APCDD1: variants seen among roughly 807,000 people sequenced by gnomAD.
APCDD1 encodes protein APCDD1.
A neutral mutation model predicts 38.1 loss-of-function variants in APCDD1; 15 were observed. The observed-to-expected ratio is 0.39, with a 90% CI of 0.26 to 0.61. The LOEUF is 0.61. APCDD1 is among the 20% of genes least tolerant of loss of function. APCDD1 has a pLI of 0.49. For synonymous variants in APCDD1, 261 were observed against 279.7 expected, an observed-to-expected ratio of 0.93 and a Z score of 0.67; for missense variants, 647 against 696.2, an observed-to-expected ratio of 0.93 and a Z score of 0.79.
chr18:10,471,755 A>T lies in APCDD1; in HGVS notation c.468A>T (p.Thr156=). The T allele has an allele frequency of 6.2e-7, 1 of 1,613,634 alleles. No homozygotes were observed. The highest frequency in any genetic ancestry group is 8.5e-7 in the Non-Finnish European group (1 of 1,179,738). ...ACAACGTCCAGGTGATCTGCCACACAGAGGCGGTGGCCGAGAAGCTCGGCC... is the reference window on the plus strand; with the variant it reads ...ACAACGTCCAGGTGATCTGCCACACTGAGGCGGTGGCCGAGAAGCTCGGCC... ...QLHNVQVICH[T]EAVAEKLGQQ... Residue 156 remains threonine, a synonymous_variant, in exon 3 of 5, where the codon ACA becomes ACT. Transcript: ENST00000355285. This position sits in a 1 kb window ranked among gnomAD's most constrained non-coding sequence, Gnocchi z 5.5.
At position 10,487,857 on chromosome 18, in the gene APCDD1, G is replaced by A; in HGVS notation, c.1364G>A (p.Arg455Lys). ...TCCAGCCCAGACAGGCCAGAGAAGAGAGCCACGTCCTACCAGATGCCCTTG... is the reference window on the plus strand; with the variant it reads ...TCCAGCCCAGACAGGCCAGAGAAGAAAGCCACGTCCTACCAGATGCCCTTG... ...DGSSPDRPEK[R>K]ATSYQMPLVQ... The change falls in exon 5 of 5, where the codon AGA becomes AAA. Residue 455 changes from arginine (R) to lysine (K), a missense_variant. By Grantham distance (26) the Arg-to-Lys change is conservative. Transcript: ENST00000355285. The A allele has an allele frequency of 6.2e-7, 1 of 1,613,904 alleles. No individual in the cohort carries two copies. Among genetic ancestry groups the A allele is most frequent in the South Asian group, 1.1e-5 (1 of 91,088 alleles).
At chr18:10,461,614 A>G (rs2030543253) in intron 1 of APCDD1, among the ~76,000 whole-genome samples, 1 of 152,256 alleles carries the variant, frequency 6.6e-6, no homozygotes, top group African/African-American at 2.4e-5. Flanking sequence ...GTGTAATGCA[A>G]ACATTAGTCA....
intron 4 of APCDD1, among the ~76,000 whole-genome samples, chr18:10,487,272 C>T (rs374407479): frequency 5.9e-5 from 9 of 152,302 alleles, no homozygotes; most frequent in South Asian, 2.1e-4. Context: ...AGGAGCACTC[C>T]GAGCTGTAGT....
chr18:10,467,435 A>G lies in APCDD1; in HGVS notation c.59-1034A>G, dbSNP rs1384511142. On this transcript the variant is annotated intron_variant, in intron 1 of 4. Coordinates refer to ENST00000355285, the MANE Select transcript of APCDD1 (RefSeq NM_153000.5). This position sits in a 1 kb window ranked among gnomAD's most constrained non-coding sequence, Gnocchi z 4.8. ...GGGCTAAATACGTAGTAGGTCCGCCATAAATGCCTGTTGATTTGTTAATCA... is the reference window on the plus strand; with the variant it reads ...GGGCTAAATACGTAGTAGGTCCGCCGTAAATGCCTGTTGATTTGTTAATCA... Among the ~76,000 whole-genome samples, 2 of 152,226 alleles carry G rather than the reference A, an allele frequency of 1.3e-5. No individual in the cohort carries two copies. The highest frequency in any genetic ancestry group is 2.9e-5 in the Non-Finnish European group (2 of 68,044).
Position 10,489,253 on chromosome 18 carries a change from C to G in APCDD1, c.*1215C>G, listed in dbSNP as rs2031318900. On this transcript the variant is annotated 3_prime_UTR_variant, in exon 5 of 5. Transcript: ENST00000355285. ...AGAAGGGCGCAGGAGTGCATGTCTGCCCATTCCTTTGGAGTATCGCAGATG... is the reference window on the plus strand; with the variant it reads ...AGAAGGGCGCAGGAGTGCATGTCTGGCCATTCCTTTGGAGTATCGCAGATG... The G allele has an allele frequency of 6.6e-6, 1 of 152,202 alleles. No homozygotes were observed. Among genetic ancestry groups the G allele is most frequent in the South Asian group, 2.1e-4 (1 of 4,826 alleles). The allele number at this position is 152,202 out of a possible 1,614,324, so 9.4% of individuals were successfully genotyped here. A position where few individuals can be genotyped will look rare whatever the true frequency, so the allele number is the denominator to read the frequency against.
At chr18:10,459,490 G>A (rs1057338176) in intron 1 of APCDD1, among the ~76,000 whole-genome samples, 1 of 152,212 alleles carries the variant, frequency 6.6e-6, no homozygotes, top group African/African-American at 2.4e-5. Context: ...TTCAACTAAA[G>A]TCAAGTGGAG....
chr18:10,487,780 G>A lies in APCDD1; in HGVS notation c.1287G>A (p.Gln429=). The A allele has an allele frequency of 1.9e-6, 3 of 1,614,140 alleles. No homozygotes were observed. In the South Asian group the frequency reaches 3.3e-5, roughly 18 times the overall value. ...AGTACGAGATCTTCAAAATGGAACA[G>A]GATGCCCGGGGGCGCTATCTGCTGT... is the stretch of plus-strand genomic sequence containing the variant. ...HTEYEIFKME[Q]DARGRYLLFN... is the part of the protein sequence containing the mutation. The change falls in exon 5 of 5, where the codon CAG becomes CAA. Residue 429 remains glutamine (Q), a synonymous_variant. Transcript: ENST00000355285.
At position 10,472,841 on chromosome 18, in the gene APCDD1, C is replaced by T. The variant is rs1180249518; in HGVS notation, c.774+780C>T. Among the ~76,000 whole-genome samples, 1 of 152,216 alleles carries T rather than the reference C, an allele frequency of 6.6e-6. No homozygotes were observed. The highest frequency in any genetic ancestry group is 1.9e-4 in the East Asian group (1 of 5,188). ...TGGAATTCACAAGGCATTTCCTTCC[C>T]ACAAGCTTAGAGTACACGTCCATGT... On this transcript the variant is annotated intron_variant, in intron 3 of 4. Coordinates refer to ENST00000355285, the MANE Select transcript of APCDD1 (RefSeq NM_153000.5). This position sits in a 1 kb window ranked among gnomAD's most constrained non-coding sequence, Gnocchi z 6.6.
At chr18:10,477,408 C>A (rs895509867) in intron 3 of APCDD1, 4 of 152,186 alleles carry the variant, frequency 2.6e-5, no homozygotes, top group Non-Finnish European at 4.4e-5. Context: ...TTTTGTGGAC[C>A]TTTTATCTGG....
intron 3 of APCDD1, among the ~76,000 whole-genome samples, chr18:10,479,163 C>T (rs905933508): frequency 6.6e-6 from 1 of 152,182 alleles, no homozygotes; most frequent in Non-Finnish European, 1.5e-5. Context: ...CTTGGCACAT[C>T]GCAGTTACAA....
At position 10,476,279 on chromosome 18, in the gene APCDD1, A is replaced by G. The variant is rs2030999887; in HGVS notation, c.774+4218A>G. On this transcript the variant is annotated intron_variant, in intron 3 of 4. Coordinates refer to ENST00000355285, the MANE Select transcript of APCDD1 (RefSeq NM_153000.5). The surrounding 1 kb of genome is among the most constrained non-coding windows in gnomAD (Gnocchi z 5.8). ...GTGTAAAAATAGAAACTTTAAGTCA[A>G]CTTGTTTTTCTAAGCTTTATACAGC... 2 of 152,242 alleles carry G rather than the reference A, an allele frequency of 1.3e-5. No individual in the cohort carries two copies. The highest frequency in any genetic ancestry group is 1.9e-4 in the East Asian group (1 of 5,196). 9.4% of individuals were successfully genotyped at this position (152,242 alleles called of 1,614,324 possible). A position where few individuals can be genotyped will look rare whatever the true frequency, so the allele number is the denominator to read the frequency against.
Position 10,454,766 on chromosome 18 carries a change from C to G in APCDD1, c.-216C>G. 7 of 980,234 alleles carry G rather than the reference C, an allele frequency of 7.1e-6. No individual in the cohort carries two copies. The highest frequency in any genetic ancestry group is 8.5e-6 in the Non-Finnish European group (7 of 827,966). 60.7% of individuals were successfully genotyped at this position (980,234 alleles called of 1,614,324 possible). ...GCGGCAGAGAGGCCGGGACGCGGAC[C>G]GGGCCGGGGCGCCCACAGCCGCCCG... On this transcript the variant is annotated 5_prime_UTR_variant, in exon 1 of 5. Transcript: ENST00000355285.
chr18:10,464,416 T>G (rs1427718142), intron 1 of APCDD1, among the ~76,000 whole-genome samples: 3 of 152,192 alleles, frequency 2.0e-5, no homozygotes, highest in African/African-American at 7.2e-5. Context: ...AATAAAGGTT[T>G]ATAGTGTTTT....
intron 3 of APCDD1, chr18:10,477,332 A>G: frequency 6.6e-6 from 1 of 152,196 alleles, no homozygotes; most frequent in East Asian, 1.9e-4. Flanking sequence ...ATGTTGCACA[A>G]TTCTATGAAA....
intron 3 of APCDD1, chr18:10,477,731 G>A (rs2031037354): frequency 6.6e-6 from 1 of 152,146 alleles, no homozygotes. Context: ...TGAGCCCCAG[G>A]GGAGAAAGGA....
rs2031316901 is a variant in APCDD1, at chr18:10,489,141, T to C, written c.*1103T>C. 6.6e-6 allele frequency: 1 copy of C among 152,344 alleles called. No individual in the cohort carries two copies. Among genetic ancestry groups the C allele is most frequent in the South Asian group, 2.1e-4 (1 of 4,834 alleles). 9.4% of individuals were successfully genotyped at this position (152,344 alleles called of 1,614,324 possible). A position where few individuals can be genotyped will look rare whatever the true frequency, so the allele number is the denominator to read the frequency against. On this transcript the variant is annotated 3_prime_UTR_variant, in exon 5 of 5. Transcript: ENST00000355285. Reference sequence around the variant, plus strand: ...TGTAAAGCCATCCTGTCATTGCACATACTGGCTCACTCAGTGTCTTTCCTG... The same window carrying C: ...TGTAAAGCCATCCTGTCATTGCACACACTGGCTCACTCAGTGTCTTTCCTG...
At chr18:10,466,956 A>T (rs934161870) in intron 1 of APCDD1, among the ~76,000 whole-genome samples, 7 of 152,230 alleles carry the variant, frequency 4.6e-5, no homozygotes, top group Admixed American at 1.3e-4. Flanking sequence ...CATTCATTGC[A>T]TGTAAAATCT....
chr18:10,471,413 AG>A lies in APCDD1; in HGVS notation c.243-116del. 1.5e-6 allele frequency: 2 copies of A among 1,314,242 alleles called. No individual in the cohort carries two copies. The highest frequency in any genetic ancestry group is 2.1e-6 in the Non-Finnish European group (2 of 937,468). 81.4% of individuals were successfully genotyped at this position (1,314,242 alleles called of 1,614,324 possible). Reference sequence around the variant, plus strand: ...GGTATCTATAAAGGGCTGACAACAGAGTCTGGCCCATCGTCAGCACTTTATT... The same window carrying A: ...GGTATCTATAAAGGGCTGACAACAGATCTGGCCCATCGTCAGCACTTTATT... On this transcript the variant is annotated intron_variant, in intron 2 of 4. Coordinates refer to ENST00000355285, the MANE Select transcript of APCDD1 (RefSeq NM_153000.5). This position sits in a 1 kb window ranked among gnomAD's most constrained non-coding sequence, Gnocchi z 5.5.
rs1386718095 is a variant in APCDD1, at chr18:10,487,588, A to G, written c.1097-2A>G. 6.2e-7 allele frequency: 1 copy of G among 1,613,952 alleles called. No homozygotes were observed. Among genetic ancestry groups the G allele is most frequent in the Non-Finnish European group, 8.5e-7 (1 of 1,180,012 alleles). ...CATGGAACTCTCCTTTCTCCTTTGC[A>G]GTGAATCACATGAAGGTCACCCCCA... On this transcript the variant is annotated splice_acceptor_variant, in intron 4 of 4. Coordinates refer to ENST00000355285, the MANE Select transcript of APCDD1 (RefSeq NM_153000.5). LOFTEE classifies it high-confidence loss of function.
Sources: gnomAD v4.1 joint callset for allele counts (sites outside exome capture counted in the v4.1 genomes callset) on GRCh38, gnomAD v4.1.1 for gene constraint, Gnocchi (gnomAD v3.1) non-coding constraint, MANE v1.5 for transcripts, NCBI Gene and HGNC (gene_info 2026-07-23, HGNC 2026-07-21) for gene names.